The following NRG3 variants were observed in gnomAD, a reference collection of about 807,000 sequenced individuals.
NRG3 encodes the protein neuregulin 3.
Under a neutral mutation model 66.9 loss-of-function variants are expected in NRG3, and 31 were observed. The ratio of observed to expected loss-of-function variants is 0.46; its 90% confidence interval spans 0.35 to 0.63. The LOEUF (loss-of-function observed/expected upper bound fraction) is 0.63. NRG3 is among the 20% of genes least tolerant of loss of function. The probability of loss-of-function intolerance (pLI) is 0.00; values close to 1 mark genes in which losing one functional copy is unlikely to be tolerated. For missense variants in NRG3, 910 were observed against 878.9 expected (o/e 1.04, Z -0.45); for synonymous variants, 393 against 359.4 (o/e 1.09, Z -1.06).
At chr10:82,183,055 CT>C (rs2073543216) in intron 1 of NRG3, among the ~76,000 whole-genome samples, 1 of 151,834 alleles carries the variant, frequency 6.6e-6, no homozygotes, top group Non-Finnish European at 1.5e-5. Flanking sequence ...TTCTCTTTGT[CT>C]TTGAATTTTG....
At chr10:82,591,000 A>T (rs2046950780) in intron 2 of NRG3, among the ~76,000 whole-genome samples, 2 of 152,174 alleles carry the variant, frequency 1.3e-5, no homozygotes, top group African/African-American at 4.8e-5. Flanking sequence ...CAAGATAAAA[A>T]TGGCCTCAAG....
intron 2 of NRG3, among the ~76,000 whole-genome samples, chr10:82,405,159 G>A (rs183940118): frequency 8.1e-4 from 124 of 152,208 alleles, no homozygotes; most frequent in South Asian, 2.9e-3. Flanking sequence ...AAAAGTGGTC[G>A]AACGAGGCCT....
chr10:82,691,930 T>A (rs2054961709), intron 2 of NRG3, among the ~76,000 whole-genome samples: 1 of 152,150 alleles, frequency 6.6e-6, no homozygotes, highest in African/African-American at 2.4e-5. Context: ...CAAATAAGAT[T>A]TTCCTGGTAA....
At chr10:82,358,329 T>G (rs2083906782) in intron 1 of NRG3, among the ~76,000 whole-genome samples, 1 of 152,102 alleles carries the variant, frequency 6.6e-6, no homozygotes, top group Admixed American at 6.6e-5. Flanking sequence ...CACAGAACAG[T>G]CACAATATAC....
At chr10:82,862,056 G>C (rs1404417050) in intron 3 of NRG3, among the ~76,000 whole-genome samples, 1 of 152,152 alleles carries the variant, frequency 6.6e-6, no homozygotes, top group Non-Finnish European at 1.5e-5. Context: ...GGATAAGTAA[G>C]GTTAGGACCC....
chr10:82,508,142 T>C (rs1375973777), intron 2 of NRG3, among the ~76,000 whole-genome samples: 1 of 152,200 alleles, frequency 6.6e-6, no homozygotes, highest in Admixed American at 6.5e-5. Flanking sequence ...TCTCTAAGAT[T>C]TGTGGGAATA....
intron 2 of NRG3, among the ~76,000 whole-genome samples, chr10:82,406,542 A>G (rs2087535031): frequency 6.6e-6 from 1 of 152,178 alleles, no homozygotes; most frequent in African/African-American, 2.4e-5. Context: ...TCAGACTCTT[A>G]AAGGTTTCAC....
At chr10:82,455,487 C>A (rs970165317) in intron 2 of NRG3, among the ~76,000 whole-genome samples, 1 of 152,060 alleles carries the variant, frequency 6.6e-6, no homozygotes, top group African/African-American at 2.4e-5. Context: ...AGGGCACTTA[C>A]ATAGAGCTTG....
At chr10:82,207,225 G>A (rs2075163994) in intron 1 of NRG3, among the ~76,000 whole-genome samples, 1 of 152,168 alleles carries the variant, frequency 6.6e-6, no homozygotes, top group Non-Finnish European at 1.5e-5. Flanking sequence ...CAGGGTAGCA[G>A]AGACAGTGAA....
chr10:81,958,772 C>T (rs562290724), intron 1 of NRG3, among the ~76,000 whole-genome samples: 1 of 152,090 alleles, frequency 6.6e-6, no homozygotes, highest in Admixed American at 6.5e-5. Flanking sequence ...GCCTGTAATC[C>T]TAGCTACTTG....
At chr10:82,966,333 G>C (rs1280033273) in intron 6 of NRG3, among the ~76,000 whole-genome samples, 1 of 152,036 alleles carries the variant, frequency 6.6e-6, no homozygotes, top group Non-Finnish European at 1.5e-5. Flanking sequence ...TGATGACCAT[G>C]ACAGTTTTGA....
At chr10:81,992,339 T>C (rs563853605) in intron 1 of NRG3, among the ~76,000 whole-genome samples, 1 of 152,318 alleles carries the variant, frequency 6.6e-6, no homozygotes, top group African/African-American at 2.4e-5. Flanking sequence ...GATCTCATAG[T>C]TGTAATTGTC....
At chr10:82,893,426 A>G (rs994455450) in intron 4 of NRG3, among the ~76,000 whole-genome samples, 1 of 152,220 alleles carries the variant, frequency 6.6e-6, no homozygotes, top group Non-Finnish European at 1.5e-5. Flanking sequence ...GCGGTGGCTC[A>G]CGCCTGTAAT....
intron 1 of NRG3, among the ~76,000 whole-genome samples, chr10:82,066,103 T>C (rs1257052811): frequency 6.6e-6 from 1 of 152,194 alleles, no homozygotes; most frequent in Non-Finnish European, 1.5e-5. Context: ...AATTTAACCA[T>C]GTCTTTTACA....
At chr10:82,497,294 G>T (rs1843711564) in intron 2 of NRG3, among the ~76,000 whole-genome samples, 1 of 152,086 alleles carries the variant, frequency 6.6e-6, no homozygotes, top group Admixed American at 6.6e-5. Flanking sequence ...CTTTATAAAA[G>T]AATAGTATTT....
chr10:82,639,636 A>G (rs2050430026), intron 2 of NRG3, among the ~76,000 whole-genome samples: 1 of 152,178 alleles, frequency 6.6e-6, no homozygotes, highest in Non-Finnish European at 1.5e-5. Flanking sequence ...AGACTTTTTT[A>G]AAAACACTCC....
At chr10:82,508,853 TC>T (rs1318136172) in intron 2 of NRG3, among the ~76,000 whole-genome samples, 2 of 152,200 alleles carry the variant, frequency 1.3e-5, no homozygotes, top group African/African-American at 4.8e-5. Context: ...CTTGTCAGTC[TC>T]CCTGCCTGTG....
intron 2 of NRG3, among the ~76,000 whole-genome samples, chr10:82,688,106 C>T (rs1591176163): frequency 6.6e-6 from 1 of 152,302 alleles, no homozygotes; most frequent in East Asian, 1.9e-4. Context: ...CACTTATAAA[C>T]TCCTACACAG....
chr10:81,911,052 G>T lies in NRG3; in HGVS notation c.823+34889G>T, dbSNP rs188156596. 7.2e-3 allele frequency among the ~76,000 whole-genome samples: 1,089 copies of T among 152,270 alleles called. 6 individuals carry two copies. The highest frequency in any genetic ancestry group is 0.017 in the African/African-American group (697 of 41,562). On this transcript the variant is annotated intron_variant, in intron 1 of 8. Coordinates refer to ENST00000372141, the MANE Select transcript of NRG3 (RefSeq NM_001010848.4). ...TTATCCTTGGAATATATGTAAATTT[G>T]TGCCAGCAGATTTTTTTGTCTTTTT... is the stretch of plus-strand genomic sequence containing the variant.
Sources: gnomAD v4.1 joint callset for allele counts (sites outside exome capture counted in the v4.1 genomes callset) on GRCh38, gnomAD v4.1.1 for gene constraint, MANE v1.5 for transcripts, NCBI Gene and HGNC (gene_info 2026-07-23, HGNC 2026-07-21) for gene names.